The following RABIF variants were observed in gnomAD, a reference collection of about 807,000 sequenced individuals.
RABIF encodes RAB interacting factor, also known as guanine nucleotide exchange factor MSS4.
In RABIF, 13 loss-of-function variants were observed where a neutral mutation model predicts 12.3. That is an observed-to-expected ratio of 1.06 (90% confidence interval 0.69 to 1.68). The LOEUF (loss-of-function observed/expected upper bound fraction) is 1.68. RABIF is among the 40% of genes most tolerant of loss of function. The pLI is 0.00. For missense variants in RABIF, 153 were observed against 158.0 expected (o/e 0.97, Z 0.17); for synonymous variants, 70 against 63.3 (o/e 1.11, Z -0.50).
intron 1 of RABIF, among the ~76,000 whole-genome samples, chr1:202,884,625 G>C (rs898613380): frequency 7.9e-5 from 12 of 152,160 alleles, no homozygotes; most frequent in African/African-American, 2.9e-4. Flanking sequence ...TCCATGTACG[G>C]ACGGAGGTGG....
Position 202,878,986 on chromosome 1 carries a change from TC to T in RABIF, c.*1991del, listed in dbSNP as rs1659449925. 1 of 152,188 alleles carries T rather than the reference TC, an allele frequency of 6.6e-6. No individual in the cohort carries two copies. The highest frequency in any genetic ancestry group is 1.5e-5 in the Non-Finnish European group (1 of 68,036). 9.4% of individuals were successfully genotyped at this position (152,188 alleles called of 1,614,324 possible). On this transcript the variant is annotated 3_prime_UTR_variant, in exon 2 of 2. Coordinates refer to ENST00000367262, the MANE Select transcript of RABIF (RefSeq NM_002871.5). The stretch of plus-strand genomic sequence containing the variant: ...CATTGCTTAAATGCCTTTATTTCTT[TC>T]AGATCAAACTGAAAAGGCAGAATAG...
Position 202,889,103 on chromosome 1 carries a change from G to T in RABIF, c.-5C>A. 6.3e-7 allele frequency: 1 copy of T among 1,599,678 alleles called. No homozygotes were observed. The stretch of plus-strand genomic sequence containing the variant: ...CGGCTGCTCCGCTGGTTCCATCGCC[G>T]CTGCCGCCACAGGCTCCTCAGCCAC... On this transcript the variant is annotated 5_prime_UTR_variant, in exon 1 of 2. Transcript: ENST00000367262.
chr1:202,885,266 A>G (rs1368361692), intron 1 of RABIF, among the ~76,000 whole-genome samples: 5 of 152,096 alleles, frequency 3.3e-5, no homozygotes, highest in Non-Finnish European at 1.5e-5. Context: ...CGAGAAACAC[A>G]CTACTTTAGA....
In RABIF at chr1:202,889,002, G is replaced by A. The variant is rs1659609516; in HGVS notation, c.97C>T (p.Pro33Ser). The A allele has an allele frequency of 1.3e-6, 2 of 1,590,846 alleles. No homozygotes were observed. The highest frequency in any genetic ancestry group is 1.7e-6 in the Non-Finnish European group (2 of 1,169,362). ...CQRCGSRVLQ[P>S]GTALFSRRQL... Reference sequence around the variant, plus strand: ...CGGCGAGAGAAGAGAGCGGTCCCTGGCTGCAGCACCCGGGAGCCGCAACGC... The same window carrying A: ...CGGCGAGAGAAGAGAGCGGTCCCTGACTGCAGCACCCGGGAGCCGCAACGC... The change falls in exon 1 of 2, where the codon CCA becomes TCA. Residue 33 changes from proline (P) to serine (S), a missense_variant. By Grantham distance (74) the Pro-to-Ser change is moderately conservative. This residue lies in a region of RABIF where 113 missense variants were observed against 90.9 expected (regional missense o/e 1.24). Coordinates refer to ENST00000367262, the MANE Select transcript of RABIF (RefSeq NM_002871.5).
At chr1:202,881,309 C>T (rs1252842271) in intron 1 of RABIF, 86 bp from the exon 2 acceptor site, 1 of 1,499,298 alleles carries the variant, frequency 6.7e-7, no homozygotes, top group African/African-American at 1.4e-5. Context: ...CTTCACATTG[C>T]TCCCTAGCAG....
At chr1:202,884,387 T>A (rs767195716) in intron 1 of RABIF, among the ~76,000 whole-genome samples, 8 of 152,194 alleles carry the variant, frequency 5.3e-5, no homozygotes, top group Non-Finnish European at 7.3e-5. Flanking sequence ...TTTCAAAAAA[T>A]TCTCTGATAA....
At chr1:202,886,268 G>A (rs1265326616) in intron 1 of RABIF, among the ~76,000 whole-genome samples, 1 of 122,312 alleles carries the variant, frequency 8.2e-6, no homozygotes, top group Non-Finnish European at 1.7e-5. Context: ...GGGAAGGGAA[G>A]GGGGGAAAGG....
intron 1 of RABIF, among the ~76,000 whole-genome samples, chr1:202,886,349 C>T (rs1659562509): frequency 6.7e-6 from 1 of 148,180 alleles, no homozygotes; most frequent in African/African-American, 2.5e-5. Context: ...GAGGGGAAGG[C>T]AGGGCAGGGC....
intron 1 of RABIF, 98 bp downstream of exon 1, chr1:202,888,874 GC>G (rs1659605923): frequency 1.3e-5 from 18 of 1,411,048 alleles, no homozygotes; most frequent in Non-Finnish European, 1.6e-5. Flanking sequence ...CGAGGAGGGC[GC>G]GGTTGCCGGA....
Position 202,880,661 on chromosome 1 carries a change from G to A in RABIF, c.*317C>T, listed in dbSNP as rs1199605973. ...CTGCTCTTCTAGAGCAAGAAAAAGCGGGAGCCCCTGGGCAAAACAGAGCCT... is the reference window on the plus strand; with the variant it reads ...CTGCTCTTCTAGAGCAAGAAAAAGCAGGAGCCCCTGGGCAAAACAGAGCCT... On this transcript the variant is annotated 3_prime_UTR_variant, in exon 2 of 2. Transcript: ENST00000367262. 1.4e-5 allele frequency: 15 copies of A among 1,040,894 alleles called. No individual in the cohort carries two copies. Among genetic ancestry groups the A allele is most frequent in the Admixed American group, 9.4e-5 (2 of 21,368 alleles). The allele number at this position is 1,040,894 out of a possible 1,614,324, so 64.5% of individuals were successfully genotyped here.
chr1:202,881,779 T>C (rs1659495390), intron 1 of RABIF, among the ~76,000 whole-genome samples: 1 of 152,160 alleles, frequency 6.6e-6, no homozygotes, highest in South Asian at 2.1e-4. Context: ...GGGCCCCACA[T>C]GGTCCTAGTT....
In RABIF at chr1:202,880,789, C is replaced by A; in HGVS notation, c.*189G>T. The A allele has an allele frequency of 7.3e-7, 1 of 1,378,674 alleles. No homozygotes were observed. 85.4% of individuals were successfully genotyped at this position (1,378,674 alleles called of 1,614,324 possible). A position where few individuals can be genotyped will look rare whatever the true frequency, so the allele number is the denominator to read the frequency against. On this transcript the variant is annotated 3_prime_UTR_variant, in exon 2 of 2. Transcript: ENST00000367262. ...GAAATGTGATACAAAGTGAACTAAGCAGGAGGCATGTACTTGAGGCTTTAG... is the reference window on the plus strand; with the variant it reads ...GAAATGTGATACAAAGTGAACTAAGAAGGAGGCATGTACTTGAGGCTTTAG...
At chr1:202,881,347 A>AT in intron 1 of RABIF, 124 bp from the exon 2 acceptor site, 1 of 1,367,296 alleles carries the variant, frequency 7.3e-7, no homozygotes, top group South Asian at 1.5e-5. Context: ...AAGCCCTCTC[A>AT]TTAAGCTGTA....
chr1:202,887,032 T>TG (rs1377257474), intron 1 of RABIF, among the ~76,000 whole-genome samples: 8 of 150,940 alleles, frequency 5.3e-5, no homozygotes, highest in African/African-American at 1.9e-4. Context: ...ATGTTTTGTT[T>TG]TTTTTTTTTT....
In RABIF at chr1:202,889,011, C is replaced by T; in HGVS notation, c.88G>A (p.Val30Met). ...AVLCQRCGSR[V>M]LQPGTALFSR... is the part of the protein sequence containing the mutation. ...AAGAGAGCGGTCCCTGGCTGCAGCA[C>T]CCGGGAGCCGCAACGCTGGCACAGC... is the stretch of plus-strand genomic sequence containing the variant. Residue 30 changes from valine to methionine, a missense_variant, in exon 1 of 2, where the codon GTG becomes ATG. Physicochemically the swap from Val to Met is conservative, Grantham distance 21. Transcript: ENST00000367262. The T allele has an allele frequency of 1.3e-6, 2 of 1,596,996 alleles. No homozygotes were observed.
At chr1:202,881,896 C>T (rs150812395) in intron 1 of RABIF, among the ~76,000 whole-genome samples, 1 of 152,340 alleles carries the variant, frequency 6.6e-6, no homozygotes, top group African/African-American at 2.4e-5. Context: ...CCTCAGTAGT[C>T]AGCTCAAACA....
At chr1:202,884,700 G>A (rs1430809046) in intron 1 of RABIF, among the ~76,000 whole-genome samples, 1 of 152,060 alleles carries the variant, frequency 6.6e-6, no homozygotes, top group Non-Finnish European at 1.5e-5. Flanking sequence ...ACGCGTGACG[G>A]AATGACCTTT....
chr1:202,888,881 C>A lies in RABIF; in HGVS notation c.126+92G>T, dbSNP rs1391146198. 3 of 1,418,062 alleles carry A rather than the reference C, an allele frequency of 2.1e-6. No homozygotes were observed. The African/African-American group carries it at 4.4e-5, about 21-fold the overall frequency. 87.8% of individuals were successfully genotyped at this position (1,418,062 alleles called of 1,614,324 possible). On this transcript the variant is annotated intron_variant, in intron 1 of 1. Coordinates refer to ENST00000367262, the MANE Select transcript of RABIF (RefSeq NM_002871.5). ...AGGCCGCGCGAGGAGGGCGCGGTTGCCGGAAATTGAAGAGCCGGGGTTCAG... is the reference window on the plus strand; with the variant it reads ...AGGCCGCGCGAGGAGGGCGCGGTTGACGGAAATTGAAGAGCCGGGGTTCAG...
intron 1 of RABIF, among the ~76,000 whole-genome samples, chr1:202,887,755 C>T (rs1428913682): frequency 6.6e-6 from 1 of 152,108 alleles, no homozygotes; most frequent in Non-Finnish European, 1.5e-5. Context: ...CCGCCCGCCT[C>T]GGCCTCCCAA....
Sources: gnomAD v4.1 joint callset for allele counts (sites outside exome capture counted in the v4.1 genomes callset) on GRCh38, gnomAD v4.1.1 for gene constraint, gnomAD v4.1.1 regional missense constraint, MANE v1.5 for transcripts, NCBI Gene and HGNC (gene_info 2026-07-23, HGNC 2026-07-21) for gene names.